The following DLGAP2 variants were observed in gnomAD, a reference collection of about 807,000 sequenced individuals.
DLGAP2 encodes the protein disks large-associated protein 2.
Under a neutral mutation model 100.3 loss-of-function variants are expected in DLGAP2, and 26 were observed. The observed-to-expected ratio is 0.26, with a 90% CI of 0.19 to 0.36. The LOEUF is 0.36. DLGAP2 is among the 10% of genes least tolerant of loss of function. DLGAP2 has a pLI of 1.00. For missense variants in DLGAP2, 1,858 were observed against 1,453.2 expected (o/e 1.28, Z -4.53); for synonymous variants, 886 against 630.1 (o/e 1.41, Z -6.08).
intron 3 of DLGAP2, among the ~76,000 whole-genome samples, chr8:1,281,367 C>A (rs1009857064): frequency 2.6e-5 from 4 of 152,212 alleles, no homozygotes; most frequent in Admixed American, 2.6e-4. Flanking sequence ...TCCCTGTCAT[C>A]ATGACCTTGA....
intron 3 of DLGAP2, among the ~76,000 whole-genome samples, chr8:1,437,079 G>C (rs1364752052): frequency 6.6e-6 from 1 of 151,822 alleles, no homozygotes; most frequent in African/African-American, 2.4e-5. Context: ...GTTCAGCCCA[G>C]GCGCGTAGGG....
intron 2 of DLGAP2, among the ~76,000 whole-genome samples, chr8:968,596 A>C (rs1012401058): frequency 6.6e-6 from 1 of 152,202 alleles, no homozygotes; most frequent in Admixed American, 6.5e-5. Context: ...AGCCAGCGCC[A>C]TGAGTGCATC....
At chr8:811,045 T>C (rs561219919) in intron 1 of DLGAP2, among the ~76,000 whole-genome samples, 105 of 152,322 alleles carry the variant, frequency 6.9e-4, no homozygotes, top group Non-Finnish European at 1.3e-3. Flanking sequence ...TCCCGGACTT[T>C]CCTCTTCACT....
In DLGAP2 at chr8:1,189,045, T is replaced by C. The variant is rs141240590; in HGVS notation, c.74-69806T>C. On this transcript the variant is annotated intron_variant, in intron 2 of 14. Coordinates refer to ENST00000637795, the MANE Select transcript of DLGAP2 (RefSeq NM_001346810.2). ...TTCGGGCCCCATGGCGGTTCCGCTG[T>C]TGGGGTTGAGCATACACAGGGTTCG... Among the ~76,000 whole-genome samples the C allele has an allele frequency of 5.0e-5, 6 of 120,986 alleles. 1 individual carries two copies. Among genetic ancestry groups the C allele is most frequent in the African/African-American group, 3.1e-4 (5 of 16,288 alleles). 79.4% of individuals were successfully genotyped at this position (120,986 alleles called of 152,430 possible).
intron 1 of DLGAP2, among the ~76,000 whole-genome samples, chr8:828,032 G>C (rs1481660205): frequency 6.6e-6 from 1 of 152,142 alleles, no homozygotes; most frequent in Admixed American, 6.5e-5. Flanking sequence ...ATATGAATAG[G>C]TGTGGGTGAC....
chr8:1,669,450 C>T (rs531694750), intron 9 of DLGAP2, among the ~76,000 whole-genome samples: 14 of 152,364 alleles, frequency 9.2e-5, no homozygotes, highest in African/African-American at 3.4e-4. Context: ...CGCATCCCTC[C>T]GGGATCTGGC....
chr8:922,694 A>G (rs953153439), intron 2 of DLGAP2, among the ~76,000 whole-genome samples: 1 of 152,236 alleles, frequency 6.6e-6, no homozygotes, highest in Admixed American at 6.5e-5. Context: ...CCCTTTAAAC[A>G]GAAGTGTCAG....
intron 5 of DLGAP2, among the ~76,000 whole-genome samples, chr8:1,556,375 A>G (rs1378132583): frequency 6.6e-6 from 1 of 151,274 alleles, no homozygotes; most frequent in African/African-American, 2.4e-5. Flanking sequence ...CTCCTGCAGG[A>G]GTGCAGGTGG....
chr8:1,080,340 G>A (rs983672761), intron 2 of DLGAP2, among the ~76,000 whole-genome samples: 1 of 152,340 alleles, frequency 6.6e-6, no homozygotes, highest in South Asian at 2.1e-4. Flanking sequence ...CAAGTGCCTT[G>A]TTAATGCTCC....
At chr8:784,456 T>G (rs944749489) in intron 1 of DLGAP2, among the ~76,000 whole-genome samples, 2 of 152,220 alleles carry the variant, frequency 1.3e-5, no homozygotes, top group African/African-American at 4.8e-5. Flanking sequence ...GAAATAAGAA[T>G]TTAAGGACAA....
At chr8:1,562,542 G>C (rs1277158776) in intron 5 of DLGAP2, among the ~76,000 whole-genome samples, 1 of 49,960 alleles carries the variant, frequency 2.0e-5, no homozygotes, top group Non-Finnish European at 3.9e-5. Flanking sequence ...CTGGGGGACT[G>C]TGTGGTGTTG....
chr8:1,076,270 T>C (rs1047947949), intron 2 of DLGAP2, among the ~76,000 whole-genome samples: 1 of 152,164 alleles, frequency 6.6e-6, no homozygotes, highest in Non-Finnish European at 1.5e-5. Context: ...TGCTGGTGGT[T>C]GGGAATGGCA....
intron 1 of DLGAP2, among the ~76,000 whole-genome samples, chr8:784,707 C>G (rs925114237): frequency 1.3e-5 from 2 of 152,186 alleles, no homozygotes; most frequent in African/African-American, 2.4e-5. Flanking sequence ...GGACCCCATA[C>G]AGTGTTCCTA....
At chr8:1,260,510 A>C (rs1211766261) in intron 3 of DLGAP2, among the ~76,000 whole-genome samples, 3 of 152,228 alleles carry the variant, frequency 2.0e-5, no homozygotes, top group Non-Finnish European at 4.4e-5. Context: ...GTTTTTTCCC[A>C]GTAAATCTGA....
Position 1,669,725 on chromosome 8 carries a change from C to T in DLGAP2, c.2161-18C>T, listed in dbSNP as rs368667029. On this transcript the variant is annotated intron_variant, in intron 9 of 14. Transcript: ENST00000637795. ...TCCGAACCAGGTCTCCACACTGTGGCTTCATTGTTTTGTTTAGGATTCTGA... is the reference window on the plus strand; with the variant it reads ...TCCGAACCAGGTCTCCACACTGTGGTTTCATTGTTTTGTTTAGGATTCTGA... 3.3e-5 allele frequency: 26 copies of T among 780,770 alleles called. No individual in the cohort carries two copies. The highest frequency in any genetic ancestry group is 6.8e-5 in the African/African-American group (4 of 59,156). 48.4% of individuals were successfully genotyped at this position (780,770 alleles called of 1,614,324 possible). A position where few individuals can be genotyped will look rare whatever the true frequency, so the allele number is the denominator to read the frequency against.
intron 5 of DLGAP2, among the ~76,000 whole-genome samples, chr8:1,565,254 G>A (rs932738120): frequency 6.6e-6 from 1 of 151,714 alleles, no homozygotes; most frequent in Non-Finnish European, 1.5e-5. Context: ...TTATTTGCTT[G>A]CAATTAAGAT....
intron 2 of DLGAP2, among the ~76,000 whole-genome samples, chr8:941,824 T>G (rs1007099142): frequency 1.6e-4 from 24 of 152,178 alleles, no homozygotes; most frequent in Admixed American, 1.2e-3. Flanking sequence ...AATACATTTT[T>G]TTTTTTGAAA....
At chr8:1,173,172 G>A (rs1043605517) in intron 2 of DLGAP2, among the ~76,000 whole-genome samples, 2 of 152,146 alleles carry the variant, frequency 1.3e-5, no homozygotes, top group Non-Finnish European at 2.9e-5. Flanking sequence ...CCTGGGTATC[G>A]GCAGCGGTGT....
chr8:1,169,831 G>A (rs1797091680), intron 2 of DLGAP2, among the ~76,000 whole-genome samples: 1 of 151,802 alleles, frequency 6.6e-6, no homozygotes, highest in Admixed American at 6.6e-5. Context: ...TCTGCAAACA[G>A]AGACAATTTG....
Sources: allele counts gnomAD v4.1 joint callset (sites outside exome capture counted in the v4.1 genomes callset), GRCh38; gene constraint gnomAD v4.1.1; transcripts MANE v1.5; gene names NCBI Gene and HGNC (gene_info 2026-07-23, HGNC 2026-07-21).